TPP2: variants seen among roughly 807,000 people sequenced by gnomAD.
TPP2 encodes the protein tripeptidyl peptidase 2, also known as tripeptidyl-peptidase 2.
Under a neutral mutation model 155.9 loss-of-function variants are expected in TPP2, and 34 were observed. The ratio of observed to expected loss-of-function variants is 0.22; its 90% CI spans 0.17 to 0.29. The LOEUF (loss-of-function observed/expected upper bound fraction) is 0.29, where lower values mean the gene tolerates loss of function less well. Ranked by LOEUF, TPP2 falls within the 10% of genes least tolerant of loss-of-function variation. The probability of loss-of-function intolerance (pLI) is 1.00; values close to 1 mark genes in which losing one functional copy is unlikely to be tolerated. For missense variants in TPP2, 1,028 were observed against 1,522.3 expected (o/e 0.68, Z 5.40); for synonymous variants, 510 against 529.4 (o/e 0.96, Z 0.50).
chr13:102,674,030 C>G (rs1885151468), intron 27 of TPP2, among the ~76,000 whole-genome samples: 1 of 152,150 alleles, frequency 6.6e-6, no homozygotes, highest in African/African-American at 2.4e-5. Flanking sequence ...AACTCTGTTG[C>G]TTCTGGCATT....
chr13:102,661,679 T>C (rs1032387183), intron 25 of TPP2, among the ~76,000 whole-genome samples: 9 of 152,160 alleles, frequency 5.9e-5, no homozygotes, highest in African/African-American at 1.9e-4. Flanking sequence ...GAAAAAATGC[T>C]CAAAATCGTT....
chr13:102,627,770 A>G (rs1595160275), intron 7 of TPP2, 78 bp from the exon 8 acceptor site: 2 of 998,464 alleles, frequency 2.0e-6, no homozygotes, highest in African/African-American at 1.7e-5. Context: ...CTATAGGATT[A>G]TATATATGCC....
intron 25 of TPP2, among the ~76,000 whole-genome samples, chr13:102,661,554 A>G (rs949662563): frequency 6.6e-6 from 1 of 152,126 alleles, no homozygotes; most frequent in African/African-American, 2.4e-5. Flanking sequence ...CCCCCAGAAT[A>G]TATAAATAAT....
At chr13:102,645,837 A>G (rs932020371) in intron 19 of TPP2, among the ~76,000 whole-genome samples, 1 of 152,196 alleles carries the variant, frequency 6.6e-6, no homozygotes, top group African/African-American at 2.4e-5. Flanking sequence ...ATGAAATAAC[A>G]TTCCCTCGGC....
At chr13:102,658,590 C>T (rs2139575351) in intron 25 of TPP2, among the ~76,000 whole-genome samples, 1 of 152,226 alleles carries the variant, frequency 6.6e-6, no homozygotes, top group South Asian at 2.1e-4. Context: ...GGAAATGGTC[C>T]AAAGGACATT....
chr13:102,623,543 A>G (rs1206495122), intron 6 of TPP2, among the ~76,000 whole-genome samples: 2 of 152,208 alleles, frequency 1.3e-5, no homozygotes, highest in Non-Finnish European at 2.9e-5. Flanking sequence ...AGCCTGGGCA[A>G]CAAGAGCGAA....
Position 102,638,254 on chromosome 13 carries a change from A to G in TPP2, c.1852A>G (p.Ile618Val), listed in dbSNP as rs763841549. 1.2e-6 allele frequency: 2 copies of G among 1,612,614 alleles called. No homozygotes were observed. Among genetic ancestry groups the G allele is most frequent in the South Asian group, 2.2e-5 (2 of 91,080 alleles). ...LHYTEVCGYD[I>V]ASPNAGPLFR... ...TTTTTTCAAGGTATGTGGCTATGAT[A>G]TAGCATCCCCTAACGCAGGTCCGCT... Residue 618 changes from isoleucine (I) to valine (V), a missense_variant, in exon 15 of 30, where the codon ATA becomes GTA. Ile to Val is a conservative substitution (Grantham distance 29). Transcript: ENST00000376052.
At chr13:102,660,001 CAGTT>C (rs994877158) in intron 25 of TPP2, among the ~76,000 whole-genome samples, 66 of 140,292 alleles carry the variant, frequency 4.7e-4, no homozygotes, top group Middle Eastern at 3.6e-3. Context: ...ATTATTATAA[CAGTT>C]AATTAATTGG....
At chr13:102,650,340 A>C (rs968552864) in intron 23 of TPP2, among the ~76,000 whole-genome samples, 1 of 152,168 alleles carries the variant, frequency 6.6e-6, no homozygotes, top group African/African-American at 2.4e-5. Flanking sequence ...GTTCTCATAC[A>C]TCTTAAGAAT....
intron 27 of TPP2, 141 bp downstream of exon 27, chr13:102,665,066 T>G: frequency 1.9e-6 from 2 of 1,059,018 alleles, no homozygotes; most frequent in Non-Finnish European, 2.6e-6. Context: ...ATTTGGATAC[T>G]CCCCTCCTTA....
chr13:102,623,828 C>T (rs1378078702), intron 6 of TPP2, among the ~76,000 whole-genome samples: 1 of 152,170 alleles, frequency 6.6e-6, no homozygotes, highest in Non-Finnish European at 1.5e-5. Context: ...CTCAGATGCT[C>T]AAGTACCTGA....
chr13:102,675,800 TG>T (rs1461908188), intron 28 of TPP2, among the ~76,000 whole-genome samples: 4 of 152,190 alleles, frequency 2.6e-5, no homozygotes, highest in African/African-American at 9.7e-5. Flanking sequence ...GGATTTTCTT[TG>T]AGTACATTCT....
At chr13:102,640,524 C>T (rs1323518879) in intron 16 of TPP2, 148 bp downstream of exon 16, 7 of 597,772 alleles carry the variant, frequency 1.2e-5, no homozygotes, top group East Asian at 2.8e-5. Flanking sequence ...AAGTTCAAAA[C>T]GTTTTTAAGA....
intron 2 of TPP2, among the ~76,000 whole-genome samples, chr13:102,613,159 A>G (rs2139435503): frequency 6.6e-6 from 1 of 152,244 alleles, no homozygotes; most frequent in African/African-American, 2.4e-5. Flanking sequence ...GTTGATTTGG[A>G]AGTGATTAAT....
chr13:102,614,065 T>C lies in TPP2; in HGVS notation c.295-36T>C, dbSNP rs547808183. 42 of 1,580,370 alleles carry C rather than the reference T, an allele frequency of 2.7e-5. 1 individual carries two copies. In the South Asian group the frequency reaches 4.4e-4, roughly 16 times the overall value. ...TGTATCATTGGAATTGGAAAGCATTTAGTGAATGAACAGGTTACTCTTTTT... is the reference window on the plus strand; with the variant it reads ...TGTATCATTGGAATTGGAAAGCATTCAGTGAATGAACAGGTTACTCTTTTT... On this transcript the variant is annotated intron_variant, in intron 2 of 29. Transcript: ENST00000376052.
chr13:102,651,322 T>C (rs1208231253), intron 23 of TPP2, 37 bp from the exon 24 acceptor site: 1 of 1,560,468 alleles, frequency 6.4e-7, no homozygotes, highest in Non-Finnish European at 8.7e-7. Context: ...GTGTAGATTA[T>C]GCATGTTTTC....
chr13:102,669,959 A>G (rs35101003), intron 27 of TPP2, among the ~76,000 whole-genome samples: 44,840 of 152,052 alleles, frequency 0.29, 7,044 homozygotes, highest in Non-Finnish European at 0.35. Flanking sequence ...AGGTTCTGCA[A>G]TAAATAAACA....
In TPP2 at chr13:102,641,560, A is replaced by G. The variant is rs184054221; in HGVS notation, c.2020+1184A>G. Among the ~76,000 whole-genome samples the G allele has an allele frequency of 1.4e-3, 206 of 152,276 alleles. 2 individuals are homozygous for G. Among genetic ancestry groups the G allele is most frequent in the Non-Finnish European group, 2.3e-3 (157 of 68,016 alleles). Reference sequence around the variant, plus strand: ...AATGAAATATTGAAATCACACATGTATGACTTGGTTTGGGAATAACTGGTT... The same window carrying G: ...AATGAAATATTGAAATCACACATGTGTGACTTGGTTTGGGAATAACTGGTT... On this transcript the variant is annotated intron_variant, in intron 16 of 29. Transcript: ENST00000376052.
At chr13:102,618,247 A>G (rs775843543) in intron 4 of TPP2, among the ~76,000 whole-genome samples, 3 of 152,204 alleles carry the variant, frequency 2.0e-5, no homozygotes, top group African/African-American at 7.2e-5. Flanking sequence ...AGCAGTTTCT[A>G]AAAGATATAA....
Sources: allele counts gnomAD v4.1 joint callset (sites outside exome capture counted in the v4.1 genomes callset), GRCh38; gene constraint gnomAD v4.1.1; transcripts MANE v1.5; gene names NCBI Gene and HGNC (gene_info 2026-07-23, HGNC 2026-07-21).